The following CACNA1B variants were observed in gnomAD, a reference collection of about 807,000 sequenced individuals.
The protein encoded by CACNA1B is voltage-dependent N-type calcium channel subunit alpha-1B.
A neutral mutation model predicts 247.2 loss-of-function variants in CACNA1B; 70 were observed. The ratio of observed to expected loss-of-function variants is 0.28; its 90% CI spans 0.23 to 0.35. The LOEUF (loss-of-function observed/expected upper bound fraction) is 0.35. CACNA1B is among the 10% of genes least tolerant of loss of function. The pLI is 1.00. For missense variants in CACNA1B, 2,367 were observed against 3,197.4 expected (o/e 0.74, Z 6.26); for synonymous variants, 1,231 against 1,294.4 (o/e 0.95, Z 1.05).
At chr9:137,937,470 G>A (rs556569049) in intron 6 of CACNA1B, among the ~76,000 whole-genome samples, 41 of 152,264 alleles carry the variant, frequency 2.7e-4, no homozygotes, top group Non-Finnish European at 3.8e-4. Flanking sequence ...AATAATTGGC[G>A]TTCCTGAGGA....
chr9:137,915,876 C>T (rs1031099840), intron 5 of CACNA1B, among the ~76,000 whole-genome samples: 2 of 151,586 alleles, frequency 1.3e-5, no homozygotes, highest in Non-Finnish European at 2.9e-5. Flanking sequence ...TATTCTTAGT[C>T]TTCTTTACCA....
chr9:137,982,176 G>C (rs1052826861), intron 12 of CACNA1B, among the ~76,000 whole-genome samples: 2 of 152,182 alleles, frequency 1.3e-5, no homozygotes, highest in African/African-American at 4.8e-5. Context: ...GGTGCACCTG[G>C]CTTGCAGTCT....
intron 22 of CACNA1B, 48 bp from the exon 23 acceptor site, chr9:138,047,351 C>A: frequency 6.9e-7 from 1 of 1,447,440 alleles, no homozygotes; most frequent in Non-Finnish European, 9.7e-7. Context: ...GGCACCCTGG[C>A]TCAGATTTCA....
chr9:138,092,740 T>C (rs1960919788), intron 36 of CACNA1B, among the ~76,000 whole-genome samples: 1 of 152,184 alleles, frequency 6.6e-6, no homozygotes, highest in African/African-American at 2.4e-5. Context: ...TGTTCAGAGA[T>C]TGCAGTAAAG....
intron 13 of CACNA1B, among the ~76,000 whole-genome samples, chr9:137,985,673 C>G (rs1302985099): frequency 6.6e-6 from 1 of 152,232 alleles, no homozygotes; most frequent in Non-Finnish European, 1.5e-5. Context: ...AGACCAGTGT[C>G]TGTCTTGCAG....
At chr9:138,120,436 G>A (rs757666919) in intron 45 of CACNA1B, 64 bp downstream of exon 45, 65 of 1,466,236 alleles carry the variant, frequency 4.4e-5, no homozygotes, top group Admixed American at 6.2e-5. Context: ...GGGTCCAAGC[G>A]GCCCATGGGG....
At position 138,118,037 on chromosome 9, in the gene CACNA1B, C is replaced by A; in HGVS notation, c.5869C>A (p.Arg1957Ser). 6.3e-7 allele frequency: 1 copy of A among 1,596,746 alleles called. No individual in the cohort carries two copies. The highest frequency in any genetic ancestry group is 1.1e-5 in the South Asian group (1 of 87,974). The change falls in exon 43 of 47, where the codon CGT (arginine) becomes AGT (serine). Residue 1957 changes from arginine to serine, a missense_variant. This residue lies in a region of CACNA1B where 773 missense variants were observed against 779.4 expected (regional missense o/e 0.99). Coordinates refer to ENST00000371372, the MANE Select transcript of CACNA1B (RefSeq NM_000718.4). ...APHEARPPLE[R>S]GHSTEIPVGR... ...CCATGAGGCCAGGCCACCCCTGGAGCGTGGCCACTCCACAGAGATCCCTGT... is the reference window on the plus strand; with the variant it reads ...CCATGAGGCCAGGCCACCCCTGGAGAGTGGCCACTCCACAGAGATCCCTGT...
At chr9:137,961,176 A>T (rs1227926947) in intron 10 of CACNA1B, among the ~76,000 whole-genome samples, 1 of 152,112 alleles carries the variant, frequency 6.6e-6, no homozygotes, top group Non-Finnish European at 1.5e-5. Flanking sequence ...ATGGGAGTTC[A>T]TGCATAATTT....
In CACNA1B at chr9:138,100,452, C is replaced by T. The variant is rs368502624; in HGVS notation, c.5223-2259C>T. 3.3e-5 allele frequency among the ~76,000 whole-genome samples: 5 copies of T among 152,034 alleles called. No individual in the cohort carries two copies. Among genetic ancestry groups the T allele is most frequent in the South Asian group, 2.1e-4 (1 of 4,826 alleles). ...GTGTGTCCAGCCCCCCGTGGTGGTC[C>T]CTTGGCTGCCACAACCTTAGCAAAC... On this transcript the variant is annotated intron_variant, in intron 37 of 46. Transcript: ENST00000371372. The surrounding 1 kb of genome is among the most constrained non-coding windows in gnomAD (Gnocchi z 4.6).
At position 138,050,704 on chromosome 9, in the gene CACNA1B, C is replaced by T. The variant is rs1028848451; in HGVS notation, c.3711-1388C>T. Among the ~76,000 whole-genome samples the T allele has an allele frequency of 1.3e-5, 2 of 152,158 alleles. No homozygotes were observed. On this transcript the variant is annotated intron_variant, in intron 24 of 46. Transcript: ENST00000371372. The surrounding 1 kb of genome is among the most constrained non-coding windows in gnomAD (Gnocchi z 5.2). ...AGATGGACGCTCCCCCAGAAAGCCTCATTTACTGGGTGACAAAACAGTATC... is the reference window on the plus strand; with the variant it reads ...AGATGGACGCTCCCCCAGAAAGCCTTATTTACTGGGTGACAAAACAGTATC...
At chr9:138,033,259 G>T (rs1959006106) in intron 20 of CACNA1B, among the ~76,000 whole-genome samples, 1 of 152,042 alleles carries the variant, frequency 6.6e-6, no homozygotes, top group Admixed American at 6.6e-5. Context: ...TCTTTCCTGA[G>T]ACTTTATTTC....
chr9:137,900,906 G>A (rs745379680), intron 3 of CACNA1B, among the ~76,000 whole-genome samples: 2 of 145,270 alleles, frequency 1.4e-5, no homozygotes, highest in African/African-American at 2.6e-5. Flanking sequence ...CCGTGTGTCC[G>A]TGTGTCTGTG....
intron 17 of CACNA1B, 76 bp from the exon 18 acceptor site, chr9:138,013,053 T>G: frequency 1.9e-6 from 2 of 1,066,330 alleles, no homozygotes; most frequent in Admixed American, 3.8e-5. Flanking sequence ...GAGGAAGAGC[T>G]GATGTTATAT....
intron 15 of CACNA1B, among the ~76,000 whole-genome samples, chr9:137,988,361 T>C (rs1305614437): frequency 6.6e-6 from 1 of 152,082 alleles, no homozygotes; most frequent in African/African-American, 2.4e-5. Flanking sequence ...GCTGAGGCTT[T>C]GCCCTGTAGA....
At chr9:138,015,609 G>T (rs1958782177) in intron 18 of CACNA1B, among the ~76,000 whole-genome samples, 1 of 152,206 alleles carries the variant, frequency 6.6e-6, no homozygotes. Flanking sequence ...TGCGGAGCGG[G>T]GCCAATGCCG....
Position 137,888,870 on chromosome 9 carries a change from G to T in CACNA1B, c.530+5987G>T, listed in dbSNP as rs1353102326. Among the ~76,000 whole-genome samples the T allele has an allele frequency of 3.9e-5, 6 of 152,174 alleles. No homozygotes were observed. In the East Asian group the frequency reaches 1.2e-3, roughly 29 times the overall value. On this transcript the variant is annotated intron_variant, in intron 3 of 46. Transcript: ENST00000371372. The surrounding 1 kb of genome is among the most constrained non-coding windows in gnomAD (Gnocchi z 4.7). ...GCCAGGCCCAGCTCAGGGCCCCACA[G>T]AGGGTCCCCATGGGCAAGGAGGGTC...
intron 6 of CACNA1B, among the ~76,000 whole-genome samples, chr9:137,920,547 C>T (rs1307709730): frequency 6.6e-6 from 1 of 152,194 alleles, no homozygotes; most frequent in Non-Finnish European, 1.5e-5. Context: ...TTGAAAGTGG[C>T]TGTAGAACTT....
At chr9:137,967,601 G>A (rs1309519664) in intron 10 of CACNA1B, among the ~76,000 whole-genome samples, 1 of 152,176 alleles carries the variant, frequency 6.6e-6, no homozygotes, top group Non-Finnish European at 1.5e-5. Context: ...GGTGTTGGTG[G>A]TGGCTGACTC....
intron 5 of CACNA1B, among the ~76,000 whole-genome samples, chr9:137,915,634 C>A (rs1290997650): frequency 6.6e-6 from 1 of 151,200 alleles, no homozygotes; most frequent in Admixed American, 6.6e-5. Context: ...AAAAAAAAAA[C>A]AAAAACCTTT....
Sources: gnomAD v4.1 joint callset for allele counts (sites outside exome capture counted in the v4.1 genomes callset) on GRCh38, gnomAD v4.1.1 for gene constraint, gnomAD v4.1.1 regional missense constraint, Gnocchi (gnomAD v3.1) non-coding constraint, MANE v1.5 for transcripts, NCBI Gene and HGNC (gene_info 2026-07-23, HGNC 2026-07-21) for gene names.